TRPC4: variants seen among roughly 807,000 people sequenced by gnomAD.
TRPC4 encodes the protein transient receptor potential cation channel subfamily C member 4.
In TRPC4, 49 loss-of-function variants were observed where a neutral mutation model predicts 99.4. The observed-to-expected ratio is 0.49, with a 90% CI of 0.39 to 0.63. TRPC4 has a LOEUF of 0.63. TRPC4 is among the 20% of genes least tolerant of loss of function. TRPC4 has a pLI of 0.00. For missense variants in TRPC4, 898 were observed against 1,152.9 expected, an observed-to-expected ratio of 0.78 and a Z score of 3.20; for synonymous variants, 454 against 425.9, an observed-to-expected ratio of 1.07 and a Z score of -0.81.
chr13:37,797,224 T>C (rs764670451), intron 1 of TRPC4, among the ~76,000 whole-genome samples: 10 of 151,840 alleles, frequency 6.6e-5, no homozygotes, highest in Non-Finnish European at 1.0e-4. Flanking sequence ...AATAGACTCA[T>C]GGCATGTTAG....
At chr13:37,662,732 G>A (rs1952487915) in intron 6 of TRPC4, among the ~76,000 whole-genome samples, 1 of 152,194 alleles carries the variant, frequency 6.6e-6, no homozygotes, top group African/African-American at 2.4e-5. Flanking sequence ...GGAAGGAAAT[G>A]GGACAGATAT....
intron 1 of TRPC4, among the ~76,000 whole-genome samples, chr13:37,825,479 T>C (rs1958174830): frequency 6.6e-6 from 1 of 152,180 alleles, no homozygotes; most frequent in Non-Finnish European, 1.5e-5. Flanking sequence ...TGTGTCTTTG[T>C]TCTCATTGGT....
At chr13:37,697,563 T>C (rs1198858095) in intron 3 of TRPC4, among the ~76,000 whole-genome samples, 1 of 152,160 alleles carries the variant, frequency 6.6e-6, no homozygotes, top group Non-Finnish European at 1.5e-5. Flanking sequence ...ATTGTAGTTA[T>C]AGTAGAGATG....
At chr13:37,733,664 T>C (rs1437024128) in intron 3 of TRPC4, among the ~76,000 whole-genome samples, 1 of 152,128 alleles carries the variant, frequency 6.6e-6, no homozygotes, top group Non-Finnish European at 1.5e-5. Flanking sequence ...ATCCTAGGTC[T>C]TTATGACCTA....
intron 4 of TRPC4, among the ~76,000 whole-genome samples, chr13:37,684,690 T>G (rs1953399233): frequency 6.6e-6 from 1 of 151,974 alleles, no homozygotes; most frequent in Admixed American, 6.6e-5. Context: ...ATATTTTCAC[T>G]ATGAAAATTA....
chr13:37,862,216 T>C (rs1447691465), intron 1 of TRPC4, among the ~76,000 whole-genome samples: 2 of 151,376 alleles, frequency 1.3e-5, no homozygotes, highest in Admixed American at 1.3e-4. Context: ...TCCAGGTCAT[T>C]ATATCCCTAA....
intron 3 of TRPC4, among the ~76,000 whole-genome samples, chr13:37,732,219 A>C (rs1486537617): frequency 1.3e-5 from 2 of 152,162 alleles, no homozygotes; most frequent in Non-Finnish European, 2.9e-5. Context: ...GTAAATGTAC[A>C]TGCTCTATAT....
intron 8 of TRPC4, among the ~76,000 whole-genome samples, chr13:37,646,936 C>T (rs1235344103): frequency 6.6e-6 from 1 of 152,168 alleles, no homozygotes; most frequent in Non-Finnish European, 1.5e-5. Flanking sequence ...CTCAATAATA[C>T]AGCATTTCTG....
At chr13:37,817,792 G>C (rs1432468570) in intron 1 of TRPC4, among the ~76,000 whole-genome samples, 2 of 151,734 alleles carry the variant, frequency 1.3e-5, no homozygotes, top group Non-Finnish European at 2.9e-5. Context: ...TGGGAACAAT[G>C]TCCTATTTGA....
At chr13:37,780,466 T>C (rs907294871) in intron 2 of TRPC4, among the ~76,000 whole-genome samples, 1 of 152,062 alleles carries the variant, frequency 6.6e-6, no homozygotes, top group African/African-American at 2.4e-5. Flanking sequence ...GGGCATACCA[T>C]GAGTATGAAA....
intron 1 of TRPC4, among the ~76,000 whole-genome samples, chr13:37,842,300 A>G (rs1171318277): frequency 7.0e-6 from 1 of 142,616 alleles, no homozygotes; most frequent in Admixed American, 7.4e-5. Flanking sequence ...ATACAGATGG[A>G]AAACACATTA....
chr13:37,825,586 A>G (rs1428232598), intron 1 of TRPC4, among the ~76,000 whole-genome samples: 5 of 147,352 alleles, frequency 3.4e-5, no homozygotes, highest in Non-Finnish European at 7.5e-5. Flanking sequence ...AGCGGTTTTG[A>G]GTGAGATTCT....
chr13:37,700,172 C>G (rs745551668), intron 3 of TRPC4, among the ~76,000 whole-genome samples: 2 of 152,146 alleles, frequency 1.3e-5, no homozygotes, highest in African/African-American at 4.8e-5. Flanking sequence ...ATTAAAAATG[C>G]TAGTTATTTC....
At chr13:37,641,305 C>CT (rs202121489) in intron 8 of TRPC4, among the ~76,000 whole-genome samples, 1,612 of 152,246 alleles carry the variant, frequency 0.011, 22 homozygotes, top group African/African-American at 0.037. Flanking sequence ...AAAATGTTCA[C>CT]TATGGTACCT....
chr13:37,729,812 G>A (rs1200787812), intron 3 of TRPC4, among the ~76,000 whole-genome samples: 1 of 152,070 alleles, frequency 6.6e-6, no homozygotes, highest in African/African-American at 2.4e-5. Flanking sequence ...AATGGTGGAT[G>A]CCAGAGACTG....
At chr13:37,813,808 A>G (rs954679559) in intron 1 of TRPC4, among the ~76,000 whole-genome samples, 2 of 151,878 alleles carry the variant, frequency 1.3e-5, no homozygotes, top group African/African-American at 4.8e-5. Context: ...AACTCTAGCA[A>G]AAAACAGAAG....
At chr13:37,724,362 C>G (rs74047135) in intron 3 of TRPC4, among the ~76,000 whole-genome samples, 6,232 of 152,130 alleles carry the variant, frequency 0.041, 343 homozygotes, top group African/African-American at 0.13. Context: ...CTAATACATT[C>G]AACAATAATT....
At chr13:37,710,322 C>T (rs1167744747) in intron 3 of TRPC4, among the ~76,000 whole-genome samples, 1 of 151,830 alleles carries the variant, frequency 6.6e-6, no homozygotes, top group Non-Finnish European at 1.5e-5. Flanking sequence ...GGCTGTGGCT[C>T]TGTTTTAATA....
chr13:37,687,048 T>C (rs182580189), intron 4 of TRPC4, among the ~76,000 whole-genome samples: 14 of 152,156 alleles, frequency 9.2e-5, no homozygotes, highest in Admixed American at 6.5e-4. Flanking sequence ...CACTGCAACC[T>C]CTGCCTCCCA....
Sources: gnomAD v4.1 joint callset for allele counts (sites outside exome capture counted in the v4.1 genomes callset) on GRCh38, gnomAD v4.1.1 for gene constraint, MANE v1.5 for transcripts, NCBI Gene and HGNC (gene_info 2026-07-23, HGNC 2026-07-21) for gene names.